The following ZBTB20 variants were observed in gnomAD, a reference collection of about 807,000 sequenced individuals.
ZBTB20 encodes zinc finger and BTB domain containing 20, also known as zinc finger and BTB domain-containing protein 20.
ZBTB20 carries 9 observed loss-of-function variants against 56.9 expected under a neutral mutation model. That is an observed-to-expected ratio of 0.16 (90% CI 0.10 to 0.28). The LOEUF (loss-of-function observed/expected upper bound fraction) is 0.28, where lower values mean the gene tolerates loss of function less well. Among genes scored for constraint, ZBTB20 ranks in the 10% least tolerant of loss-of-function variants. The probability of loss-of-function intolerance (pLI) is 1.00; values close to 1 mark genes in which losing one functional copy is unlikely to be tolerated. For synonymous variants in ZBTB20, 417 were observed against 420.7 expected (o/e 0.99, Z 0.11); for missense variants, 655 against 1,003.0 (o/e 0.65, Z 4.69).
chr3:114,743,226 C>A (rs760424530), intron 5 of ZBTB20, among the ~76,000 whole-genome samples: 68 of 152,024 alleles, frequency 4.5e-4, no homozygotes, highest in Non-Finnish European at 6.9e-4. Flanking sequence ...CTGTTCATAC[C>A]AAAGCTAATC....
At chr3:114,875,384 A>G (rs745539030) in intron 4 of ZBTB20, among the ~76,000 whole-genome samples, 2 of 152,158 alleles carry the variant, frequency 1.3e-5, no homozygotes, top group Non-Finnish European at 2.9e-5. Context: ...AAGTCAAGAA[A>G]ATAAATTAAA....
At chr3:114,797,092 A>T (rs1174255301) in intron 5 of ZBTB20, among the ~76,000 whole-genome samples, 1 of 151,876 alleles carries the variant, frequency 6.6e-6, no homozygotes, top group Admixed American at 6.6e-5. Context: ...TCCCTTAATT[A>T]GGATTACATG....
chr3:114,995,321 T>G lies in ZBTB20; in HGVS notation c.-506-20905A>C, dbSNP rs150905790. Among the ~76,000 whole-genome samples, 80 of 152,050 alleles carry G rather than the reference T, an allele frequency of 5.3e-4. 1 individual carries two copies. The highest frequency in any genetic ancestry group is 1.6e-3 in the African/African-American group (68 of 41,532). ...TTATTACATTAATTTCGTGCCTTATTATACTTTTGAAATAGTTCATAAAAG... is the reference window on the plus strand; with the variant it reads ...TTATTACATTAATTTCGTGCCTTATGATACTTTTGAAATAGTTCATAAAAG... On this transcript the variant is annotated intron_variant, in intron 2 of 11. Transcript: ENST00000675478.
At chr3:114,477,640 C>T (rs1056626247) in intron 7 of ZBTB20, among the ~76,000 whole-genome samples, 5 of 151,648 alleles carry the variant, frequency 3.3e-5, no homozygotes, top group African/African-American at 4.8e-5. Context: ...GGATTACAGG[C>T]GCCCAACACC....
chr3:115,035,822 G>A (rs1157640869), intron 2 of ZBTB20, among the ~76,000 whole-genome samples: 1 of 152,140 alleles, frequency 6.6e-6, no homozygotes, highest in East Asian at 1.9e-4. Context: ...AGCAATTCAA[G>A]TGTCTATTGG....
At chr3:114,646,130 A>C (rs1405210564) in intron 6 of ZBTB20, among the ~76,000 whole-genome samples, 1 of 124,172 alleles carries the variant, frequency 8.1e-6, no homozygotes, top group Non-Finnish European at 1.6e-5. Flanking sequence ...CTTTTTTTAT[A>C]AAACCTCTAC....
At chr3:114,958,277 TTA>T (rs777458190) in intron 3 of ZBTB20, among the ~76,000 whole-genome samples, 16 of 152,244 alleles carry the variant, frequency 1.1e-4, no homozygotes, top group Non-Finnish European at 1.3e-4. Flanking sequence ...TCTAAAGAAT[TTA>T]TTTTGTAATA....
At chr3:114,796,087 T>C (rs2071323824) in intron 5 of ZBTB20, among the ~76,000 whole-genome samples, 2 of 152,008 alleles carry the variant, frequency 1.3e-5, no homozygotes, top group African/African-American at 4.8e-5. Context: ...ATATTTATTA[T>C]CTCACAGTTT....
At position 114,712,004 on chromosome 3, in the gene ZBTB20, G is replaced by A. The variant is rs186445983; in HGVS notation, c.-342-18429C>T. Among the ~76,000 whole-genome samples, 44 of 152,290 alleles carry A rather than the reference G, an allele frequency of 2.9e-4. No individual in the cohort carries two copies. In the East Asian group the frequency reaches 6.9e-3, roughly 24 times the overall value. ...TTGTATCCCAAGTTCTTAGTACAGT[G>A]CTGGATGTAAAAGGAAGAAAAACTC... On this transcript the variant is annotated intron_variant, in intron 5 of 11. Coordinates refer to ENST00000675478, the MANE Select transcript of ZBTB20 (RefSeq NM_001348800.3).
chr3:114,418,639 A>G, intron 7 of ZBTB20, among the ~76,000 whole-genome samples: 1 of 152,020 alleles, frequency 6.6e-6, no homozygotes, highest in Non-Finnish European at 1.5e-5. Context: ...CAGTTTCCCA[A>G]GGGAAGTAGT....
intron 4 of ZBTB20, among the ~76,000 whole-genome samples, chr3:114,824,518 T>C (rs1292311997): frequency 6.6e-6 from 1 of 152,020 alleles, no homozygotes; most frequent in Non-Finnish European, 1.5e-5. Flanking sequence ...GTCTTTCCAA[T>C]AAATTTTGGT....
At chr3:115,063,165 A>C (rs1413964650) in intron 2 of ZBTB20, among the ~76,000 whole-genome samples, 1 of 152,208 alleles carries the variant, frequency 6.6e-6, no homozygotes, top group Non-Finnish European at 1.5e-5. Context: ...GCAGATAACA[A>C]AAATATATAC....
intron 4 of ZBTB20, among the ~76,000 whole-genome samples, chr3:114,820,532 C>T (rs1334265603): frequency 6.6e-6 from 1 of 152,010 alleles, no homozygotes; most frequent in East Asian, 1.9e-4. Flanking sequence ...TATTTTGACA[C>T]ATCCTTTCAA....
chr3:114,921,828 C>G (rs1181120295), intron 3 of ZBTB20, among the ~76,000 whole-genome samples: 2 of 151,878 alleles, frequency 1.3e-5, no homozygotes, highest in Non-Finnish European at 2.9e-5. Flanking sequence ...CAAACCTGCA[C>G]GTTGTGCACA....
chr3:114,685,092 T>C (rs1015364418), intron 6 of ZBTB20, among the ~76,000 whole-genome samples: 3 of 152,134 alleles, frequency 2.0e-5, no homozygotes, highest in Non-Finnish European at 4.4e-5. Flanking sequence ...TGTTTTCCCA[T>C]TTGCTCTCAT....
At chr3:114,720,588 G>A (rs552103720) in intron 5 of ZBTB20, among the ~76,000 whole-genome samples, 54 of 152,192 alleles carry the variant, frequency 3.5e-4, no homozygotes, top group African/African-American at 1.3e-3. Context: ...GAGGATTAAG[G>A]AGGGAGACAT....
chr3:115,002,611 G>A (rs918098485), intron 2 of ZBTB20, among the ~76,000 whole-genome samples: 17 of 151,518 alleles, frequency 1.1e-4, no homozygotes, highest in African/African-American at 4.1e-4. Flanking sequence ...TATGCCATTA[G>A]AGAATTGCAA....
intron 6 of ZBTB20, among the ~76,000 whole-genome samples, chr3:114,593,370 T>C (rs1456905824): frequency 6.6e-6 from 1 of 150,880 alleles, no homozygotes; most frequent in Non-Finnish European, 1.5e-5. Context: ...GATTTTTTTG[T>C]TCTTTTTTCT....
intron 7 of ZBTB20, among the ~76,000 whole-genome samples, chr3:114,401,854 G>T (rs1015313385): frequency 6.6e-6 from 1 of 152,088 alleles, no homozygotes; most frequent in Non-Finnish European, 1.5e-5. Flanking sequence ...TACAAATGCT[G>T]GATAGGAAGT....
Sources: allele counts gnomAD v4.1 joint callset (sites outside exome capture counted in the v4.1 genomes callset), GRCh38; gene constraint gnomAD v4.1.1; transcripts MANE v1.5; gene names NCBI Gene and HGNC (gene_info 2026-07-23, HGNC 2026-07-21).